Variants in PTPRD observed in about 807,000 individuals in gnomAD.
The protein encoded by PTPRD is receptor-type tyrosine-protein phosphatase delta.
In PTPRD, 34 loss-of-function variants were observed where a neutral mutation model predicts 214.5. That is an observed-to-expected ratio of 0.16 (90% CI 0.12 to 0.21). PTPRD has a LOEUF of 0.21. Ranked by LOEUF, PTPRD falls within the 10% of genes least tolerant of loss-of-function variation. The pLI is 1.00. For synonymous variants in PTPRD, 1,128 were observed against 845.7 expected, an observed-to-expected ratio of 1.33 and a Z score of -5.79; for missense variants, 2,545 against 2,398.7, an observed-to-expected ratio of 1.06 and a Z score of -1.27.
chr9:9,859,647 A>G (rs2062278357), intron 5 of PTPRD, among the ~76,000 whole-genome samples: 1 of 152,202 alleles, frequency 6.6e-6, no homozygotes, highest in African/African-American at 2.4e-5. Flanking sequence ...AGCTATAAAT[A>G]AGCTGGTATT....
At chr9:9,636,884 T>C (rs2095789226) in intron 7 of PTPRD, among the ~76,000 whole-genome samples, 1 of 152,160 alleles carries the variant, frequency 6.6e-6, no homozygotes, top group Admixed American at 6.5e-5. Flanking sequence ...GTGCCAACAA[T>C]TTCAGCATCT....
At chr9:9,869,141 C>A (rs1314229966) in intron 5 of PTPRD, among the ~76,000 whole-genome samples, 1 of 152,016 alleles carries the variant, frequency 6.6e-6, no homozygotes, top group African/African-American at 2.4e-5. Flanking sequence ...AGGACAGATA[C>A]TTACTTTTTT....
chr9:10,211,105 G>A (rs1468397985), intron 3 of PTPRD, among the ~76,000 whole-genome samples: 1 of 151,846 alleles, frequency 6.6e-6, no homozygotes, highest in East Asian at 1.9e-4. Flanking sequence ...AAAAGGGGGA[G>A]ATTGGTAAAA....
chr9:10,534,589 T>G (rs186363549), intron 2 of PTPRD, among the ~76,000 whole-genome samples: 1 of 152,098 alleles, frequency 6.6e-6, no homozygotes, highest in African/African-American at 2.4e-5. Context: ...AATTTCACAA[T>G]GGAAACATAA....
intron 9 of PTPRD, among the ~76,000 whole-genome samples, chr9:9,386,368 T>C (rs1347526391): frequency 6.6e-6 from 1 of 152,096 alleles, no homozygotes; most frequent in African/African-American, 2.4e-5. Flanking sequence ...CAAATGCCTC[T>C]GGTATGTCAA....
At chr9:9,858,123 A>C (rs1347248629) in intron 5 of PTPRD, among the ~76,000 whole-genome samples, 2 of 152,218 alleles carry the variant, frequency 1.3e-5, no homozygotes, top group East Asian at 3.8e-4. Flanking sequence ...GTTTTAGTGA[A>C]TAGAGAGCCA....
chr9:8,565,222 CG>C (rs1206253534), intron 14 of PTPRD, among the ~76,000 whole-genome samples: 2 of 151,192 alleles, frequency 1.3e-5, no homozygotes, highest in Non-Finnish European at 2.9e-5. Context: ...GCTGGAGGAC[CG>C]GGGAGTTTAC....
chr9:8,415,727 C>G (rs1465194492), intron 35 of PTPRD, among the ~76,000 whole-genome samples: 1 of 152,022 alleles, frequency 6.6e-6, no homozygotes, highest in African/African-American at 2.4e-5. Flanking sequence ...AAGCAAGCCA[C>G]AGACATGCAG....
chr9:9,872,284 A>T (rs1033109667), intron 5 of PTPRD, among the ~76,000 whole-genome samples: 2 of 152,180 alleles, frequency 1.3e-5, no homozygotes, highest in Non-Finnish European at 2.9e-5. Context: ...ACCCTGGGCA[A>T]GTGATTTGCC....
chr9:9,380,257 G>C (rs1436123058), intron 9 of PTPRD, among the ~76,000 whole-genome samples: 1 of 152,022 alleles, frequency 6.6e-6, no homozygotes, highest in Non-Finnish European at 1.5e-5. Context: ...CACACATTTT[G>C]ATAAGTTGTG....
rs1189206481 is a variant in PTPRD at position 9,914,790 on chromosome 9, G to A, written c.-368+23717C>T. ...TGTGCTCATATCTCAGGCCTGAGAAGTAGCCCTGTGGGTCACTTGGGCAAA... is the reference window on the plus strand; with the variant it reads ...TGTGCTCATATCTCAGGCCTGAGAAATAGCCCTGTGGGTCACTTGGGCAAA... On this transcript the variant is annotated intron_variant, in intron 5 of 45. Transcript: ENST00000381196. Among the ~76,000 whole-genome samples, 3 of 152,156 alleles carry A rather than the reference G, an allele frequency of 2.0e-5. No individual in the cohort carries two copies. The East Asian group carries it at 5.8e-4, about 29-fold the overall frequency.
At chr9:8,808,287 C>T (rs527968226) in intron 11 of PTPRD, among the ~76,000 whole-genome samples, 2 of 152,218 alleles carry the variant, frequency 1.3e-5, no homozygotes, top group East Asian at 3.9e-4. Flanking sequence ...GTGCTGCTCC[C>T]ATTTGCTCCC....
intron 11 of PTPRD, among the ~76,000 whole-genome samples, chr9:9,015,964 A>G (rs565801497): frequency 6.6e-6 from 1 of 152,254 alleles, no homozygotes; most frequent in South Asian, 2.1e-4. Context: ...TCTCTCTGCT[A>G]AATGATCATA....
chr9:10,514,244 C>T (rs2049235224), intron 2 of PTPRD, among the ~76,000 whole-genome samples: 1 of 151,768 alleles, frequency 6.6e-6, no homozygotes. Flanking sequence ...ATAGATACTT[C>T]TAAACTCTGC....
intron 2 of PTPRD, among the ~76,000 whole-genome samples, chr9:10,548,660 G>T (rs764784287): frequency 6.6e-6 from 1 of 152,148 alleles, no homozygotes; most frequent in Non-Finnish European, 1.5e-5. Context: ...AAAGAAAAAA[G>T]TGGTAGCACT....
At chr9:9,070,479 GA>G (rs1334989174) in intron 10 of PTPRD, among the ~76,000 whole-genome samples, 4 of 151,952 alleles carry the variant, frequency 2.6e-5, no homozygotes, top group Non-Finnish European at 5.9e-5. Flanking sequence ...TCCAAATTTT[GA>G]AGAGAATAAT....
Position 8,318,091 on chromosome 9 carries a change from T to C in PTPRD, c.5671-149A>G, listed in dbSNP as rs1360609126. On this transcript the variant is annotated intron_variant, in intron 45 of 45. Coordinates refer to ENST00000381196, the MANE Select transcript of PTPRD (RefSeq NM_002839.4). ...TCAACTGGTCTAATCCAATGACCAATTGTTTATAGTGAACAAAGAAAAAGC... is the reference window on the plus strand; with the variant it reads ...TCAACTGGTCTAATCCAATGACCAACTGTTTATAGTGAACAAAGAAAAAGC... The C allele has an allele frequency of 1.8e-5, 12 of 652,754 alleles. 1 individual carries two copies. Among genetic ancestry groups the C allele is most frequent in the Admixed American group, 1.4e-4 (5 of 35,786 alleles). 40.4% of individuals were successfully genotyped at this position (652,754 alleles called of 1,614,324 possible).
chr9:9,822,430 A>C (rs914691388), intron 5 of PTPRD, among the ~76,000 whole-genome samples: 4 of 147,770 alleles, frequency 2.7e-5, no homozygotes, highest in African/African-American at 9.8e-5. Flanking sequence ...TAATATATAC[A>C]TAATATATAA....
At chr9:10,408,038 T>C (rs2098392850) in intron 2 of PTPRD, among the ~76,000 whole-genome samples, 1 of 151,534 alleles carries the variant, frequency 6.6e-6, no homozygotes, top group Non-Finnish European at 1.5e-5. Context: ...CACCTACATA[T>C]ATGGTAAGAC....
Sources: allele counts gnomAD v4.1 joint callset (sites outside exome capture counted in the v4.1 genomes callset), GRCh38; gene constraint gnomAD v4.1.1; transcripts MANE v1.5; gene names NCBI Gene and HGNC (gene_info 2026-07-23, HGNC 2026-07-21).